ZNF532: variants seen among roughly 807,000 people sequenced by gnomAD.
ZNF532 encodes zinc finger protein 532.
In ZNF532, 22 loss-of-function variants were observed where a neutral mutation model predicts 89.3. The ratio of observed to expected loss-of-function variants is 0.25; its 90% confidence interval spans 0.18 to 0.35. The LOEUF (loss-of-function observed/expected upper bound fraction) is 0.35, where lower values mean the gene tolerates loss of function less well. ZNF532 is among the 10% of genes least tolerant of loss of function. ZNF532 has a pLI of 1.00. For synonymous variants in ZNF532, 606 were observed against 649.6 expected (o/e 0.93, Z 1.02); for missense variants, 1,132 against 1,643.4 (o/e 0.69, Z 5.38).
In ZNF532 at chr18:58,919,325, A is replaced by G. The variant is rs369505718; in HGVS notation, c.1038A>G (p.Gly346=). The change falls in exon 3 of 10, where the codon GGA becomes GGG. Residue 346 remains glycine (G), a synonymous_variant. Transcript: ENST00000591808. This position sits in a 1 kb window ranked among gnomAD's most constrained non-coding sequence, Gnocchi z 6.1. The stretch of plus-strand genomic sequence containing the variant: ...TCTCAAGTGAGAACAGCAGCAAAGG[A>G]TCCCCGTCCTCTCCCGCAGGGTCCA... ...RSISSENSSK[G]SPSSPAGSTP... is the part of the protein sequence containing the mutation. The G allele has an allele frequency of 1.9e-6, 3 of 1,614,072 alleles. No homozygotes were observed. The African/African-American group carries it at 4.0e-5, about 22-fold the overall frequency.
chr18:58,942,044 C>G (rs867644304), intron 5 of ZNF532, among the ~76,000 whole-genome samples: 117 of 145,896 alleles, frequency 8.0e-4, no homozygotes, highest in Middle Eastern at 3.6e-3. Context: ...CCCGCCCCCC[C>G]CTCAGTCTCG....
intron 8 of ZNF532, 71 bp from the exon 9 acceptor site, chr18:58,981,399 C>T (rs1016660790): frequency 2.0e-5 from 31 of 1,555,914 alleles, no homozygotes; most frequent in Middle Eastern, 2.4e-4. Context: ...GGAGGACCTT[C>T]GACCGTGAGT....
chr18:58,985,583 G>C lies in ZNF532; in HGVS notation c.*1117G>C, dbSNP rs1248164408. On this transcript the variant is annotated 3_prime_UTR_variant, in exon 10 of 10. Coordinates refer to ENST00000591808, the MANE Select transcript of ZNF532 (RefSeq NM_001375912.1). ...GTTACCTTAAGCACTGAGCCACCCGGGTTTAGTTCAGCCATTTCAAGAAGT... is the reference window on the plus strand; with the variant it reads ...GTTACCTTAAGCACTGAGCCACCCGCGTTTAGTTCAGCCATTTCAAGAAGT... 1 of 152,512 alleles carries C rather than the reference G, an allele frequency of 6.6e-6. No homozygotes were observed. Among genetic ancestry groups the C allele is most frequent in the Non-Finnish European group, 1.5e-5 (1 of 68,024 alleles). 9.4% of individuals were successfully genotyped at this position (152,512 alleles called of 1,614,324 possible).
chr18:58,925,555 G>A (rs530064781), intron 3 of ZNF532, among the ~76,000 whole-genome samples: 7 of 152,248 alleles, frequency 4.6e-5, no homozygotes, highest in Middle Eastern at 3.4e-3. Flanking sequence ...AAGTGTTTTC[G>A]CCCAGTCTAT....
upstream of ZNF532, among the ~76,000 whole-genome samples, chr18:58,863,931 G>A (rs1201360863): frequency 6.6e-6 from 1 of 151,696 alleles, no homozygotes; most frequent in Non-Finnish European, 1.5e-5. Context: ...CCTGCCCGCA[G>A]TGGCCTGTCC....
intron 2 of ZNF532, among the ~76,000 whole-genome samples, chr18:58,900,167 C>T (rs910694522): frequency 1.3e-5 from 2 of 152,218 alleles, no homozygotes; most frequent in African/African-American, 2.4e-5. Flanking sequence ...CAGCTGCGGC[C>T]TGTCCTCCAG....
At chr18:58,942,257 C>CAA (rs2063188416) in intron 5 of ZNF532, among the ~76,000 whole-genome samples, 1 of 149,656 alleles carries the variant, frequency 6.7e-6, no homozygotes. Context: ...CTCCTGACCT[C>CAA]GTGATCCGCC....
intron 4 of ZNF532, among the ~76,000 whole-genome samples, chr18:58,934,883 G>T (rs2146470301): frequency 6.6e-6 from 1 of 152,214 alleles, no homozygotes. Flanking sequence ...TTGACTGTCA[G>T]CTTTGACTGT....
At chr18:58,907,127 G>C (rs933528089) in intron 2 of ZNF532, among the ~76,000 whole-genome samples, 2 of 152,292 alleles carry the variant, frequency 1.3e-5, no homozygotes, top group African/African-American at 4.8e-5. Flanking sequence ...AGGGTGCAGA[G>C]AAGCAGGGGT....
At chr18:58,960,427 C>A (rs1189279809) in intron 7 of ZNF532, among the ~76,000 whole-genome samples, 1 of 152,014 alleles carries the variant, frequency 6.6e-6, no homozygotes, top group Non-Finnish European at 1.5e-5. Flanking sequence ...GGCCAGATAC[C>A]CTGCTTGTGT....
rs1186264173 is a variant in ZNF532, at chr18:58,985,631, C to T, written c.*1165C>T. The T allele has an allele frequency of 6.6e-6, 1 of 152,552 alleles. No homozygotes were observed. The highest frequency in any genetic ancestry group is 1.9e-4 in the East Asian group (1 of 5,200). 9.4% of individuals were successfully genotyped at this position (152,552 alleles called of 1,614,324 possible). On this transcript the variant is annotated 3_prime_UTR_variant, in exon 10 of 10. Coordinates refer to ENST00000591808, the MANE Select transcript of ZNF532 (RefSeq NM_001375912.1). ...AGTATATTTAACGTCGGTAGTTCTGCTTTATTAAAATGCAGCAGAGGTACT... is the reference window on the plus strand; with the variant it reads ...AGTATATTTAACGTCGGTAGTTCTGTTTTATTAAAATGCAGCAGAGGTACT...
intron 4 of ZNF532, among the ~76,000 whole-genome samples, chr18:58,936,973 C>T (rs1408718840): frequency 6.6e-6 from 1 of 152,166 alleles, no homozygotes; most frequent in Non-Finnish European, 1.5e-5. Flanking sequence ...GCCTTGCTGT[C>T]TCTCCTCTTG....
intron 2 of ZNF532, among the ~76,000 whole-genome samples, chr18:58,899,366 C>T (rs192450983): frequency 1.3e-5 from 2 of 152,168 alleles, no homozygotes; most frequent in Admixed American, 6.5e-5. Flanking sequence ...TAATGAGGCC[C>T]TTTCAATTGG....
rs146474275 is a variant in ZNF532, at chr18:58,891,434, G to C, written c.-18+25855G>C. Among the ~76,000 whole-genome samples the C allele has an allele frequency of 5.3e-3, 805 of 152,280 alleles. 2 individuals carry two copies. The highest frequency in any genetic ancestry group is 8.6e-3 in the Non-Finnish European group (583 of 68,014). Reference sequence around the variant, plus strand: ...CATCCCAGCTACTTGGGTGGCTGAGGCATGAGAATCACCTGAACCCAGGAG... The same window carrying C: ...CATCCCAGCTACTTGGGTGGCTGAGCCATGAGAATCACCTGAACCCAGGAG... On this transcript the variant is annotated intron_variant, in intron 2 of 9. Transcript: ENST00000591808.
chr18:58,959,639 G>A (rs1426535509), intron 7 of ZNF532, among the ~76,000 whole-genome samples: 1 of 152,064 alleles, frequency 6.6e-6, no homozygotes, highest in Non-Finnish European at 1.5e-5. Context: ...ATATATTCTG[G>A]CACCACAACT....
intron 2 of ZNF532, among the ~76,000 whole-genome samples, chr18:58,913,000 G>A (rs560456440): frequency 7.9e-5 from 12 of 152,160 alleles, no homozygotes; most frequent in Non-Finnish European, 1.6e-4. Context: ...GCATGAGGTC[G>A]ACCTGCGTAG....
At chr18:58,902,913 G>A (rs550633387) in intron 2 of ZNF532, among the ~76,000 whole-genome samples, 15 of 152,244 alleles carry the variant, frequency 9.9e-5, no homozygotes, top group African/African-American at 3.6e-4. Context: ...AGCACTCTGC[G>A]AAGTACCCAA....
chr18:58,910,259 C>T (rs188512150), intron 2 of ZNF532, among the ~76,000 whole-genome samples: 11 of 152,182 alleles, frequency 7.2e-5, no homozygotes, highest in South Asian at 2.1e-4. Context: ...TGTTTGTGCA[C>T]GGTCCTTTTT....
chr18:58,908,116 G>A (rs552833253), intron 2 of ZNF532, among the ~76,000 whole-genome samples: 5 of 152,166 alleles, frequency 3.3e-5, no homozygotes, highest in South Asian at 2.1e-4. Flanking sequence ...TTATGACAAG[G>A]CTCCCTCTAA....
Sources: gnomAD v4.1 joint callset for allele counts (sites outside exome capture counted in the v4.1 genomes callset) on GRCh38, gnomAD v4.1.1 for gene constraint, Gnocchi (gnomAD v3.1) non-coding constraint, MANE v1.5 for transcripts, NCBI Gene and HGNC (gene_info 2026-07-23, HGNC 2026-07-21) for gene names.